Variants in OPRM1 observed in about 807,000 individuals in gnomAD.
OPRM1 encodes opioid receptor mu 1.
In OPRM1, 27 loss-of-function variants were observed where a neutral mutation model predicts 31.8. The ratio of observed to expected loss-of-function variants is 0.85; its 90% CI spans 0.63 to 1.17. The LOEUF (loss-of-function observed/expected upper bound fraction) is 1.17, where lower values mean the gene tolerates loss of function less well. Ranked by LOEUF, OPRM1 falls within the 50% of genes most tolerant of loss-of-function variation. The pLI is 0.00. For missense variants in OPRM1, 536 were observed against 511.1 expected (o/e 1.05, Z -0.47); for synonymous variants, 196 against 189.9 (o/e 1.03, Z -0.26).
At chr6:154,017,970 G>A (rs1274265821) in intron 1 of OPRM1, among the ~76,000 whole-genome samples, 1 of 152,142 alleles carries the variant, frequency 6.6e-6, no homozygotes, top group African/African-American at 2.4e-5. Flanking sequence ...CCAAGTGAGA[G>A]GCACTGAACT....
intron 1 of OPRM1, among the ~76,000 whole-genome samples, chr6:154,032,861 T>C (rs1294035470): frequency 6.6e-6 from 1 of 152,198 alleles, no homozygotes; most frequent in Non-Finnish European, 1.5e-5. Flanking sequence ...GATAGGAAGG[T>C]GAAAATGCTT....
At chr6:154,116,117 A>G (rs632395) in intron 3 of OPRM1, among the ~76,000 whole-genome samples, 134,985 of 152,102 alleles carry the variant, frequency 0.89, 60,058 homozygotes, top group East Asian at 0.98. Context: ...AAGTAGTGGA[A>G]TCCTCAACCT....
chr6:154,020,610 T>A (rs1035959141), intron 1 of OPRM1, among the ~76,000 whole-genome samples: 10 of 152,220 alleles, frequency 6.6e-5, no homozygotes, highest in African/African-American at 2.4e-4. Flanking sequence ...TTTGGGATTT[T>A]GTCTTTCGGA....
In OPRM1 at chr6:154,219,659, T is replaced by C. The variant is rs374555055; in HGVS notation, c.1165-27034T>C. Among the ~76,000 whole-genome samples, 178 of 152,076 alleles carry C rather than the reference T, an allele frequency of 1.2e-3. 5 individuals carry two copies. The South Asian group carries it at 0.036, about 31-fold the overall frequency. On this transcript the variant is annotated intron_variant, in intron 3 of 3. Coordinates refer to the OPRM1 transcript ENST00000337049. ...CAAATAAAAAAAAAATAAGTAAAGATCTTTGATGTGGAGATTTTAACATCC... is the reference window on the plus strand; with the variant it reads ...CAAATAAAAAAAAAATAAGTAAAGACCTTTGATGTGGAGATTTTAACATCC...
rs143110616 is a variant in OPRM1, at chr6:154,081,849, G to A, written c.291-7977G>A. Among the ~76,000 whole-genome samples the A allele has an allele frequency of 1.2e-4, 18 of 152,296 alleles. No individual in the cohort carries two copies. The East Asian group carries it at 3.5e-3, about 29-fold the overall frequency. ...AATGGGAGAAAAGCCTCAAATACTT[G>A]TAACTCTGTGTGCCTCGGGTCCTTC... On this transcript the variant is annotated intron_variant, in intron 1 of 3. Transcript: ENST00000330432.
At position 154,221,343 on chromosome 6, in the gene OPRM1, A is replaced by G. The variant is rs367553685; in HGVS notation, c.1165-25350A>G. On this transcript the variant is annotated intron_variant, in intron 3 of 3. Transcript: ENST00000337049. ...TCTTAAAAGCACTTGAAGGAGGAAAAGCACAAACACATAAAAAATTAGTGT... is the reference window on the plus strand; with the variant it reads ...TCTTAAAAGCACTTGAAGGAGGAAAGGCACAAACACATAAAAAATTAGTGT... The G allele has an allele frequency of 7.5e-6, 12 of 1,610,278 alleles. No homozygotes were observed. In the African/African-American group the frequency reaches 1.6e-4, roughly 22 times the overall value.
chr6:154,037,747 C>T (rs569295980), upstream of OPRM1, among the ~76,000 whole-genome samples: 14 of 152,220 alleles, frequency 9.2e-5, no homozygotes, highest in African/African-American at 2.4e-4. Context: ...AGCCTACCCT[C>T]GCCTTTTTTA....
rs553190048 is a variant in OPRM1 at position 154,225,723 on chromosome 6, T to G, written c.1165-20970T>G. Among the ~76,000 whole-genome samples the G allele has an allele frequency of 2.6e-5, 4 of 152,360 alleles. No homozygotes were observed. In the South Asian group the frequency reaches 8.3e-4, roughly 32 times the overall value. On this transcript the variant is annotated intron_variant, in intron 3 of 3. Transcript: ENST00000337049. ...ATTAAATGCCACTGAACTGCTCACT[T>G]TAAAGTAATTAATGTTAGGTTGTAT...
At chr6:154,173,159 C>T (rs998509807) in intron 3 of OPRM1, among the ~76,000 whole-genome samples, 8 of 152,150 alleles carry the variant, frequency 5.3e-5, no homozygotes, top group African/African-American at 1.2e-4. Context: ...AAACCCCATC[C>T]GTAGGTCACC....
At chr6:154,075,363 G>C (rs1787641027) in intron 1 of OPRM1, among the ~76,000 whole-genome samples, 1 of 152,098 alleles carries the variant, frequency 6.6e-6, no homozygotes, top group South Asian at 2.1e-4. Flanking sequence ...AAAAGAACTG[G>C]CATTTTTCAT....
chr6:154,183,215 G>A (rs771402160), intron 3 of OPRM1, among the ~76,000 whole-genome samples: 74 of 152,216 alleles, frequency 4.9e-4, no homozygotes, highest in Middle Eastern at 6.8e-3. Context: ...TCCTGACCTC[G>A]TGATCTGCCC....
intron 1 of OPRM1, among the ~76,000 whole-genome samples, chr6:154,083,066 AT>A (rs1205959958): frequency 6.6e-6 from 1 of 152,222 alleles, no homozygotes; most frequent in African/African-American, 2.4e-5. Flanking sequence ...CAGAAATCGA[AT>A]AATGCAGGAA....
At chr6:154,165,243 CAGA>C (rs1799332963) in intron 3 of OPRM1, among the ~76,000 whole-genome samples, 1 of 152,164 alleles carries the variant, frequency 6.6e-6, no homozygotes, top group African/African-American at 2.4e-5. Flanking sequence ...ACCAGGGTCA[CAGA>C]AGGACCCGCA....
chr6:154,079,573 A>C (rs1037224630), intron 1 of OPRM1, among the ~76,000 whole-genome samples: 3 of 152,258 alleles, frequency 2.0e-5, no homozygotes, highest in African/African-American at 7.2e-5. Context: ...AGACGATAGA[A>C]AATCACAAGT....
At chr6:154,014,727 T>C (rs1232590908) in intron 1 of OPRM1, among the ~76,000 whole-genome samples, 1 of 152,102 alleles carries the variant, frequency 6.6e-6, no homozygotes, top group African/African-American at 2.4e-5. Flanking sequence ...AATTTTAAAG[T>C]GAAGTAGTTT....
chr6:154,098,710 G>T (rs1162104129), intron 3 of OPRM1, among the ~76,000 whole-genome samples: 1 of 152,134 alleles, frequency 6.6e-6, no homozygotes, highest in Non-Finnish European at 1.5e-5. Context: ...ATATCTTTTG[G>T]CAGGTTGCAA....
intron 3 of OPRM1, among the ~76,000 whole-genome samples, chr6:154,111,764 A>G (rs1368486635): frequency 1.3e-5 from 2 of 151,650 alleles, no homozygotes; most frequent in East Asian, 3.9e-4. Flanking sequence ...TTATTTATTT[A>G]TTTATTTATT....
intron 3 of OPRM1, among the ~76,000 whole-genome samples, chr6:154,201,139 C>T (rs1777037059): frequency 6.6e-6 from 1 of 152,186 alleles, no homozygotes; most frequent in Admixed American, 6.5e-5. Context: ...TTTCCTGAGG[C>T]CTCCCCAGCC....
At chr6:154,138,711 A>T (rs13198964) in intron 3 of OPRM1, among the ~76,000 whole-genome samples, 26,191 of 152,222 alleles carry the variant, frequency 0.17, 2,743 homozygotes, top group Non-Finnish European at 0.24. Flanking sequence ...TTATAGTTTA[A>T]AACAAAGATG....
Sources: gnomAD v4.1 joint callset for allele counts (sites outside exome capture counted in the v4.1 genomes callset) on GRCh38, gnomAD v4.1.1 for gene constraint, MANE v1.5 for transcripts, NCBI Gene and HGNC (gene_info 2026-07-23, HGNC 2026-07-21) for gene names.